Variants in AUTS2 observed in about 807,000 individuals in gnomAD.
The protein encoded by AUTS2 is activator of transcription and developmental regulator AUTS2.
AUTS2 carries 17 observed loss-of-function variants against 112.4 expected under a neutral mutation model. That is an observed-to-expected ratio of 0.15 (90% CI 0.10 to 0.23). AUTS2 has a LOEUF of 0.23. Among genes scored for constraint, AUTS2 ranks in the 10% least tolerant of loss-of-function variants. The pLI, the probability that AUTS2 is intolerant of heterozygous loss-of-function variation, is 1.00. For missense variants in AUTS2, 1,510 were observed against 1,701.6 expected, an observed-to-expected ratio of 0.89 and a Z score of 1.98; for synonymous variants, 751 against 702.7, an observed-to-expected ratio of 1.07 and a Z score of -1.09.
chr7:69,827,426 A>C (rs1791298864), intron 1 of AUTS2, among the ~76,000 whole-genome samples: 1 of 152,012 alleles, frequency 6.6e-6, no homozygotes, highest in South Asian at 2.1e-4. Flanking sequence ...TGTAACCGTG[A>C]TAGAGGGGGA....
intron 5 of AUTS2, among the ~76,000 whole-genome samples, chr7:70,479,052 A>C (rs1262271177): frequency 2.4e-4 from 36 of 151,876 alleles, no homozygotes; most frequent in Non-Finnish European, 4.4e-5. Flanking sequence ...TTTCTATCTC[A>C]GTAGTTAAGT....
chr7:69,669,696 A>AT (rs998016578), intron 1 of AUTS2, among the ~76,000 whole-genome samples: 15 of 151,798 alleles, frequency 9.9e-5, no homozygotes, highest in Admixed American at 9.9e-4. Context: ...TTGAAAGATG[A>AT]TTTTTTTCCC....
chr7:70,576,898 A>G (rs1314286767), intron 5 of AUTS2, among the ~76,000 whole-genome samples: 1 of 152,194 alleles, frequency 6.6e-6, no homozygotes, highest in East Asian at 1.9e-4. Flanking sequence ...AACACCTAGG[A>G]ACATTTCATA....
At chr7:70,196,895 G>A (rs1231405671) in intron 4 of AUTS2, among the ~76,000 whole-genome samples, 1 of 152,128 alleles carries the variant, frequency 6.6e-6, no homozygotes, top group African/African-American at 2.4e-5. Context: ...GATAATTGTT[G>A]TTCTCTCTTA....
chr7:70,790,590 G>GCCACCACCACCA lies in AUTS2; in HGVS notation c.3389_3400dup (p.His1130_His1133dup). 1.9e-6 allele frequency: 3 copies of GCCACCACCACCA among 1,600,828 alleles called. No homozygotes were observed. Among genetic ancestry groups the GCCACCACCACCA allele is most frequent in the South Asian group, 1.1e-5 (1 of 89,376 alleles). On this transcript the variant is annotated inframe_insertion, in exon 19 of 19. Transcript: ENST00000342771. This position sits in a 1 kb window ranked among gnomAD's most constrained non-coding sequence, Gnocchi z 7.6. ...AGGGACCGGGAGCCTCACGACTACA[G>GCCACCACCACCA]CCACCACCACCACCACCACCACCAC...
chr7:70,554,091 G>A (rs1383117161), intron 5 of AUTS2, among the ~76,000 whole-genome samples: 4 of 119,834 alleles, frequency 3.3e-5, no homozygotes, highest in Admixed American at 9.3e-5. Context: ...TTTTTGAGAC[G>A]GAGTTTCGCT....
chr7:69,690,508 G>A (rs1797285264), intron 1 of AUTS2, among the ~76,000 whole-genome samples: 1 of 152,212 alleles, frequency 6.6e-6, no homozygotes, highest in Non-Finnish European at 1.5e-5. Flanking sequence ...GGCAAGGGGT[G>A]TGTGAGCAAG....
chr7:70,525,668 T>C, intron 5 of AUTS2, among the ~76,000 whole-genome samples: 1 of 152,172 alleles, frequency 6.6e-6, no homozygotes, highest in South Asian at 2.1e-4. Flanking sequence ...TGCAGCCTGG[T>C]AAATATCATT....
rs190045887 is a variant in AUTS2, at chr7:70,687,358, G to A, written c.691-11211G>A. Among the ~76,000 whole-genome samples the A allele has an allele frequency of 7.4e-4, 112 of 152,310 alleles. 2 individuals carry two copies. The highest frequency in any genetic ancestry group is 1.3e-4 in the Admixed American group (2 of 15,308). On this transcript the variant is annotated intron_variant, in intron 5 of 18. Transcript: ENST00000342771. Reference sequence around the variant, plus strand: ...ATACCTACAGCCAATTGGGTGACACGAGCAGGGATTGGATTTATTTGTATT... The same window carrying A: ...ATACCTACAGCCAATTGGGTGACACAAGCAGGGATTGGATTTATTTGTATT...
At chr7:70,504,630 C>T (rs1382467856) in intron 5 of AUTS2, among the ~76,000 whole-genome samples, 1 of 152,176 alleles carries the variant, frequency 6.6e-6, no homozygotes, top group Non-Finnish European at 1.5e-5. Flanking sequence ...TGATTGGTAT[C>T]TTCTCCTTTG....
At chr7:70,684,134 GAA>G (rs772073906) in intron 5 of AUTS2, among the ~76,000 whole-genome samples, 36 of 135,146 alleles carry the variant, frequency 2.7e-4, no homozygotes, top group Middle Eastern at 7.6e-3. Context: ...TAAGGCTAGG[GAA>G]AAAAAAAAAA....
At chr7:69,723,213 C>T (rs1231075334) in intron 1 of AUTS2, among the ~76,000 whole-genome samples, 2 of 151,924 alleles carry the variant, frequency 1.3e-5, no homozygotes, top group African/African-American at 2.4e-5. Flanking sequence ...GTAGCAGAAT[C>T]GTGGTCTTGT....
chr7:69,720,259 T>G (rs1038770397), intron 1 of AUTS2, among the ~76,000 whole-genome samples: 5 of 152,222 alleles, frequency 3.3e-5, no homozygotes, highest in Non-Finnish European at 7.3e-5. Context: ...GTCTACATTT[T>G]AGGAATTATA....
chr7:69,599,997 A>G lies in AUTS2; in HGVS notation c.309+35A>G. The stretch of plus-strand genomic sequence containing the variant: ...ACCCCCCTTCCCCCGGGTTCCCTTT[A>G]TGCACGACCCCACTCGGCTGCGCCC... On this transcript the variant is annotated intron_variant, in intron 1 of 18. Transcript: ENST00000342771. This position sits in a 1 kb window ranked among gnomAD's most constrained non-coding sequence, Gnocchi z 7.0. The G allele has an allele frequency of 6.2e-7, 1 of 1,609,052 alleles. No homozygotes were observed. The highest frequency in any genetic ancestry group is 8.5e-7 in the Non-Finnish European group (1 of 1,177,106).
Position 69,940,710 on chromosome 7 carries a change from A to G in AUTS2, c.522+41212A>G, listed in dbSNP as rs78558835. ...ATGTGTCTAAGTCATAGAGGGAGAC[A>G]GTAGAGGACAAGAGTGCAGTCAGGC... On this transcript the variant is annotated intron_variant, in intron 2 of 18. Coordinates refer to ENST00000342771, the MANE Select transcript of AUTS2 (RefSeq NM_015570.4). Among the ~76,000 whole-genome samples, 457 of 152,322 alleles carry G rather than the reference A, an allele frequency of 3.0e-3. 4 individuals are homozygous for G. Among genetic ancestry groups the G allele is most frequent in the African/African-American group, 0.011 (441 of 41,566 alleles).
In AUTS2 at chr7:70,407,608, T is replaced by C. The variant is rs1335503600; in HGVS notation, c.661-28144T>C. ...TGGATTTTTTTCCTAGAAAGATGCA[T>C]AAAATTTTAAAGTAAAAAGAATATA... On this transcript the variant is annotated intron_variant, in intron 4 of 18. Transcript: ENST00000342771. Among the ~76,000 whole-genome samples, 4 of 152,096 alleles carry C rather than the reference T, an allele frequency of 2.6e-5. No homozygotes were observed. In the East Asian group the frequency reaches 7.7e-4, roughly 29 times the overall value.
At chr7:70,247,738 T>A (rs1177527355) in intron 4 of AUTS2, among the ~76,000 whole-genome samples, 1 of 152,200 alleles carries the variant, frequency 6.6e-6, no homozygotes, top group Non-Finnish European at 1.5e-5. Context: ...ATACTTTTAT[T>A]TATTTATCTT....
At chr7:69,916,719 A>G (rs975973893) in intron 2 of AUTS2, among the ~76,000 whole-genome samples, 5 of 152,042 alleles carry the variant, frequency 3.3e-5, no homozygotes, top group East Asian at 3.9e-4. Context: ...CTTACATCCT[A>G]TAGATTTTTA....
intron 1 of AUTS2, among the ~76,000 whole-genome samples, chr7:69,829,348 T>C (rs1288139621): frequency 6.6e-6 from 1 of 152,104 alleles, no homozygotes; most frequent in African/African-American, 2.4e-5. Flanking sequence ...GATTTTACCA[T>C]GAAATCCCCA....
Sources: gnomAD v4.1 joint callset for allele counts (sites outside exome capture counted in the v4.1 genomes callset) on GRCh38, gnomAD v4.1.1 for gene constraint, Gnocchi (gnomAD v3.1) non-coding constraint, MANE v1.5 for transcripts, NCBI Gene and HGNC (gene_info 2026-07-23, HGNC 2026-07-21) for gene names.